The following FSTL5 variants were observed in gnomAD, a reference collection of about 807,000 sequenced individuals.
The protein encoded by FSTL5 is follistatin-related protein 5.
Under a neutral mutation model 89.1 loss-of-function variants are expected in FSTL5, and 62 were observed. The observed-to-expected ratio is 0.70, with a 90% CI of 0.57 to 0.86. The LOEUF (loss-of-function observed/expected upper bound fraction) is 0.86, where lower values mean the gene tolerates loss of function less well. Among genes scored for constraint, FSTL5 ranks in the 40% least tolerant of loss-of-function variants. The pLI, the probability that FSTL5 is intolerant of heterozygous loss-of-function variation, is 0.00. For missense variants in FSTL5, 1,057 were observed against 1,001.6 expected (o/e 1.06, Z -0.75); for synonymous variants, 383 against 346.2 (o/e 1.11, Z -1.18).
chr4:161,848,896 A>G (rs1304204947), intron 4 of FSTL5, among the ~76,000 whole-genome samples: 1 of 151,780 alleles, frequency 6.6e-6, no homozygotes, highest in Non-Finnish European at 1.5e-5. Context: ...CTCTGCGTTC[A>G]TTAGGCTGGG....
intron 4 of FSTL5, among the ~76,000 whole-genome samples, chr4:161,816,473 T>C (rs1178701325): frequency 6.6e-6 from 1 of 152,192 alleles, no homozygotes; most frequent in Non-Finnish European, 1.5e-5. Flanking sequence ...CGATGTAACA[T>C]TTATACATAA....
chr4:162,062,605 A>C (rs1738756518), intron 2 of FSTL5, among the ~76,000 whole-genome samples: 1 of 151,604 alleles, frequency 6.6e-6, no homozygotes, highest in Admixed American at 6.6e-5. Context: ...TCTTCTAAAT[A>C]AGAATCCAAT....
chr4:161,992,262 G>A (rs1736133026), intron 3 of FSTL5, among the ~76,000 whole-genome samples: 1 of 152,170 alleles, frequency 6.6e-6, no homozygotes, highest in Non-Finnish European at 1.5e-5. Flanking sequence ...AGGGAGAAAA[G>A]TGCAGGAAAA....
chr4:161,847,055 C>T (rs193198271), intron 4 of FSTL5, among the ~76,000 whole-genome samples: 12 of 151,974 alleles, frequency 7.9e-5, no homozygotes, highest in African/African-American at 2.7e-4. Flanking sequence ...AGAATTGTCT[C>T]CTTAAAATGA....
At chr4:162,091,594 T>A (rs1347952697) in intron 2 of FSTL5, among the ~76,000 whole-genome samples, 1 of 152,164 alleles carries the variant, frequency 6.6e-6, no homozygotes, top group Non-Finnish European at 1.5e-5. Context: ...AGAAGTTCTA[T>A]TCTTATTACT....
At chr4:161,703,699 G>A (rs1738477052) in intron 6 of FSTL5, among the ~76,000 whole-genome samples, 1 of 152,022 alleles carries the variant, frequency 6.6e-6, no homozygotes, top group African/African-American at 2.4e-5. Flanking sequence ...ACAACATATA[G>A]GAGAAGTGAT....
intron 4 of FSTL5, among the ~76,000 whole-genome samples, chr4:161,854,567 C>A (rs1317937644): frequency 6.6e-6 from 1 of 152,134 alleles, no homozygotes; most frequent in Non-Finnish European, 1.5e-5. Flanking sequence ...GGGATTACTG[C>A]TGTTAATCCA....
At chr4:162,102,667 A>C (rs1731044212) in intron 2 of FSTL5, among the ~76,000 whole-genome samples, 1 of 145,622 alleles carries the variant, frequency 6.9e-6, no homozygotes, top group Non-Finnish European at 1.5e-5. Flanking sequence ...ACATATATAA[A>C]AATATGTATA....
chr4:161,658,584 C>A (rs1226141241), intron 6 of FSTL5, among the ~76,000 whole-genome samples: 2 of 151,846 alleles, frequency 1.3e-5, no homozygotes, highest in African/African-American at 4.8e-5. Flanking sequence ...CATACATACA[C>A]AGAAACATAA....
intron 5 of FSTL5, among the ~76,000 whole-genome samples, chr4:161,774,387 A>C (rs1741322215): frequency 6.6e-6 from 1 of 152,120 alleles, no homozygotes; most frequent in Admixed American, 6.5e-5. Flanking sequence ...TGAGAGGATA[A>C]ATTTCTGCTG....
chr4:161,857,641 TAA>T (rs999114825), intron 4 of FSTL5, among the ~76,000 whole-genome samples: 4 of 152,296 alleles, frequency 2.6e-5, no homozygotes, highest in African/African-American at 4.8e-5. Flanking sequence ...TATTTAATAT[TAA>T]GTTTATTAAT....
chr4:161,419,645 C>T (rs1731914634), intron 15 of FSTL5, among the ~76,000 whole-genome samples: 1 of 152,124 alleles, frequency 6.6e-6, no homozygotes, highest in Non-Finnish European at 1.5e-5. Context: ...TCTATCACAT[C>T]TCTGGTCAAA....
rs771029095 is a variant in FSTL5 at position 161,500,081 on chromosome 4, T to C, written c.1393A>G (p.Ile465Val). 2.5e-6 allele frequency: 4 copies of C among 1,609,506 alleles called. No individual in the cohort carries two copies. In the African/African-American group the frequency reaches 5.3e-5, roughly 22 times the overall value. Reference sequence around the variant, plus strand: ...TGAAATTCACATTCTATGGGTTGTATCACTTTGATTCCATCTTCATAAAAA... The same window carrying C: ...TGAAATTCACATTCTATGGGTTGTACCACTTTGATTCCATCTTCATAAAAA... ...YVFYEDGIKV[I>V]QPIECEFQRH... The change falls in exon 12 of 16, where the codon ATA becomes GTA. Residue 465 changes from isoleucine (I) to valine (V), a missense_variant. Transcript: ENST00000306100.
chr4:162,078,183 A>G (rs1729945672), intron 2 of FSTL5, among the ~76,000 whole-genome samples: 1 of 151,876 alleles, frequency 6.6e-6, no homozygotes, highest in South Asian at 2.1e-4. Context: ...GGATGCGGAT[A>G]TACCTTTCCT....
Position 161,510,410 on chromosome 4 carries a change from A to G in FSTL5, c.1327T>C (p.Trp443Arg). 11 of 1,540,590 alleles carry G rather than the reference A, an allele frequency of 7.1e-6. No homozygotes were observed. Among genetic ancestry groups the G allele is most frequent in the Non-Finnish European group, 8.7e-6 (10 of 1,144,624 alleles). The change falls in exon 11 of 16, where the codon TGG becomes CGG. Residue 443 changes from tryptophan (W) to arginine (R), a missense_variant. Physicochemically the swap from Trp to Arg is moderately radical, Grantham distance 101 (BLOSUM62 -3). Transcript: ENST00000306100. ...SARKTLANIL[W>R]REEGLGIGNM... Reference sequence around the variant, plus strand: ...TTCAACTTAGTACCTTCTTCTCTCCATAATATGTTAGCTACTGCAGCATGT... The same window carrying G: ...TTCAACTTAGTACCTTCTTCTCTCCGTAATATGTTAGCTACTGCAGCATGT...
intron 4 of FSTL5, among the ~76,000 whole-genome samples, chr4:161,913,792 T>C (rs1433589865): frequency 2.0e-5 from 3 of 152,162 alleles, no homozygotes; most frequent in Non-Finnish European, 4.4e-5. Flanking sequence ...CTGTAACCCC[T>C]TGGTTTTGGC....
At chr4:161,681,815 T>G (rs1737535360) in intron 6 of FSTL5, among the ~76,000 whole-genome samples, 1 of 152,138 alleles carries the variant, frequency 6.6e-6, no homozygotes, top group Admixed American at 6.6e-5. Context: ...CAAATTGCTT[T>G]ACAAAAGAAA....
At chr4:161,849,366 A>G (rs1020397095) in intron 4 of FSTL5, among the ~76,000 whole-genome samples, 5 of 152,110 alleles carry the variant, frequency 3.3e-5, no homozygotes, top group Non-Finnish European at 7.4e-5. Context: ...TTAGCTAGCC[A>G]TAACAACAGC....
At chr4:161,453,663 C>A (rs576874122) in intron 15 of FSTL5, among the ~76,000 whole-genome samples, 1 of 152,248 alleles carries the variant, frequency 6.6e-6, no homozygotes, top group Non-Finnish European at 1.5e-5. Flanking sequence ...GGTGTGACCT[C>A]AGCTCACTGC....
Sources: gnomAD v4.1 joint callset for allele counts (sites outside exome capture counted in the v4.1 genomes callset) on GRCh38, gnomAD v4.1.1 for gene constraint, MANE v1.5 for transcripts, NCBI Gene and HGNC (gene_info 2026-07-23, HGNC 2026-07-21) for gene names.